The following CNTNAP5 variants were observed in gnomAD, a reference collection of about 807,000 sequenced individuals.
The protein encoded by CNTNAP5 is contactin associated protein family member 5.
In CNTNAP5, 72 loss-of-function variants were observed where a neutral mutation model predicts 150.2. That is an observed-to-expected ratio of 0.48 (90% CI 0.40 to 0.58). CNTNAP5 has a LOEUF of 0.58. Ranked by LOEUF, CNTNAP5 falls within the 20% of genes least tolerant of loss-of-function variation. The probability of loss-of-function intolerance (pLI) is 0.00; values close to 1 mark genes in which losing one functional copy is unlikely to be tolerated. For synonymous variants in CNTNAP5, 672 were observed against 619.8 expected (o/e 1.08, Z -1.25); for missense variants, 1,636 against 1,626.2 (o/e 1.01, Z -0.10).
At chr2:124,236,048 C>T (rs1208089609) in intron 2 of CNTNAP5, among the ~76,000 whole-genome samples, 2 of 151,998 alleles carry the variant, frequency 1.3e-5, no homozygotes, top group Non-Finnish European at 2.9e-5. Context: ...TCATTGAAAC[C>T]TCTGCTTCCC....
At position 124,813,414 on chromosome 2, in the gene CNTNAP5, A is replaced by C. The variant is rs544826878; in HGVS notation, c.3217+15094A>C. 5.4e-5 allele frequency among the ~76,000 whole-genome samples: 8 copies of C among 147,812 alleles called. No homozygotes were observed. In the South Asian group the frequency reaches 1.7e-3, roughly 31 times the overall value. On this transcript the variant is annotated intron_variant, in intron 19 of 23. Coordinates refer to ENST00000682447, the MANE Select transcript of CNTNAP5 (RefSeq NM_001367498.1). ...CTTTTTTTTTCTTTTTTTGAAGAAA[A>C]GATATACCCTCACTGAGCTAACTCA...
At chr2:124,355,700 CA>C (rs1311145064) in intron 3 of CNTNAP5, among the ~76,000 whole-genome samples, 11 of 152,112 alleles carry the variant, frequency 7.2e-5, no homozygotes, top group Admixed American at 1.3e-4. Flanking sequence ...AAAAAGCCTG[CA>C]ACATTGTGTG....
At chr2:124,695,905 T>C (rs1463883203) in intron 13 of CNTNAP5, among the ~76,000 whole-genome samples, 9 of 152,146 alleles carry the variant, frequency 5.9e-5, no homozygotes, top group Non-Finnish European at 1.3e-4. Flanking sequence ...TTAAAACAAA[T>C]TTCCCCTAGG....
intron 5 of CNTNAP5, among the ~76,000 whole-genome samples, chr2:124,440,521 C>A (rs1692648226): frequency 6.6e-6 from 1 of 152,084 alleles, no homozygotes; most frequent in South Asian, 2.1e-4. Context: ...CTGCAACATG[C>A]ATGCCCTTTA....
intron 1 of CNTNAP5, among the ~76,000 whole-genome samples, chr2:124,106,403 G>C (rs2420554): frequency 0.093 from 14,110 of 152,154 alleles, 778 homozygotes; most frequent in Non-Finnish European, 0.13. Flanking sequence ...CTTTAAGCCC[G>C]ACCTCCCAAC....
chr2:124,541,518 A>C (rs978473925), intron 10 of CNTNAP5, among the ~76,000 whole-genome samples: 3 of 152,118 alleles, frequency 2.0e-5, no homozygotes, highest in Non-Finnish European at 4.4e-5. Flanking sequence ...AAAGTGACAA[A>C]AGGAATATGC....
At chr2:124,854,477 G>A (rs1677302974) in intron 19 of CNTNAP5, among the ~76,000 whole-genome samples, 1 of 152,118 alleles carries the variant, frequency 6.6e-6, no homozygotes, top group Non-Finnish European at 1.5e-5. Context: ...ATACAGAGTA[G>A]GCACATCAGA....
intron 12 of CNTNAP5, among the ~76,000 whole-genome samples, chr2:124,621,020 G>T (rs1677604029): frequency 6.6e-6 from 1 of 152,088 alleles, no homozygotes; most frequent in Non-Finnish European, 1.5e-5. Flanking sequence ...GAGCATTTCT[G>T]CTGGGACTCC....
chr2:124,713,177 T>C (rs1265898691), intron 13 of CNTNAP5, among the ~76,000 whole-genome samples: 1 of 128,540 alleles, frequency 7.8e-6, no homozygotes, highest in African/African-American at 2.9e-5. Flanking sequence ...CCTCTCTCTT[T>C]TCCTCCTTCC....
intron 16 of CNTNAP5, among the ~76,000 whole-genome samples, chr2:124,771,828 C>T (rs34480574): frequency 0.1 from 15,679 of 151,506 alleles, 1,077 homozygotes; most frequent in Non-Finnish European, 0.15. Context: ...CCACCACTGC[C>T]ACCACCACTA....
At chr2:124,796,047 A>G (rs1336684050) in intron 18 of CNTNAP5, among the ~76,000 whole-genome samples, 1 of 152,092 alleles carries the variant, frequency 6.6e-6, no homozygotes, top group Non-Finnish European at 1.5e-5. Flanking sequence ...TTAAACTCTT[A>G]GATTATAAAG....
chr2:124,162,613 A>G (rs1278625373), intron 1 of CNTNAP5, among the ~76,000 whole-genome samples: 3 of 152,136 alleles, frequency 2.0e-5, no homozygotes, highest in Non-Finnish European at 4.4e-5. Context: ...TTTCTGTCCT[A>G]CCCCCACATG....
At chr2:124,844,340 C>A (rs750994583) in intron 19 of CNTNAP5, among the ~76,000 whole-genome samples, 6 of 152,024 alleles carry the variant, frequency 3.9e-5, no homozygotes, top group Non-Finnish European at 8.8e-5. Flanking sequence ...GGCTTTATTT[C>A]CAGGTTCTCT....
chr2:124,673,099 T>C (rs1678856587), intron 13 of CNTNAP5, among the ~76,000 whole-genome samples: 1 of 152,192 alleles, frequency 6.6e-6, no homozygotes, highest in African/African-American at 2.4e-5. Context: ...AAAATGTAAA[T>C]TGTGTGCTTA....
intron 21 of CNTNAP5, among the ~76,000 whole-genome samples, chr2:124,895,558 G>A (rs566729217): frequency 1.3e-5 from 2 of 151,664 alleles, no homozygotes; most frequent in South Asian, 4.1e-4. Flanking sequence ...CTGGGAGGAT[G>A]AGGCTGCAGT....
intron 21 of CNTNAP5, among the ~76,000 whole-genome samples, chr2:124,875,521 T>C (rs1677835828): frequency 6.6e-6 from 1 of 152,088 alleles, no homozygotes; most frequent in South Asian, 2.1e-4. Flanking sequence ...TTATGGTTCC[T>C]TATTGGTAAA....
chr2:124,134,556 T>G (rs1356378878), intron 1 of CNTNAP5, among the ~76,000 whole-genome samples: 1 of 152,212 alleles, frequency 6.6e-6, no homozygotes, highest in Non-Finnish European at 1.5e-5. Context: ...CTCTATCTCA[T>G]AAAATCCATA....
intron 13 of CNTNAP5, among the ~76,000 whole-genome samples, chr2:124,731,684 G>GA (rs1464356900): frequency 6.6e-6 from 1 of 151,966 alleles, no homozygotes; most frequent in East Asian, 1.9e-4. Context: ...TCTTGGGTAA[G>GA]AAAAATCATA....
In CNTNAP5 at chr2:124,916,589, C is replaced by G. The variant is rs1310829559; in HGVS notation, c.*2301C>G. Among the ~76,000 whole-genome samples, 2 of 152,072 alleles carry G rather than the reference C, an allele frequency of 1.3e-5. No homozygotes were observed. The highest frequency in any genetic ancestry group is 4.8e-5 in the African/African-American group (2 of 41,432). ...AGCAGTGAGGACTATGTTTTGCTGA[C>G]ATAGTGCTAATAGAAGAAATGGAGA... On this transcript the variant is annotated 3_prime_UTR_variant, in exon 24 of 24. Coordinates refer to ENST00000682447, the MANE Select transcript of CNTNAP5 (RefSeq NM_001367498.1).
Sources: gnomAD v4.1 joint callset for allele counts (sites outside exome capture counted in the v4.1 genomes callset) on GRCh38, gnomAD v4.1.1 for gene constraint, MANE v1.5 for transcripts, NCBI Gene and HGNC (gene_info 2026-07-23, HGNC 2026-07-21) for gene names.